The following CSMD1 variants were observed in gnomAD, a reference collection of about 807,000 sequenced individuals.
CSMD1 encodes the protein CUB and Sushi multiple domains 1, also known as CUB and sushi domain-containing protein 1.
Under a neutral mutation model 417.5 loss-of-function variants are expected in CSMD1, and 213 were observed. The ratio of observed to expected loss-of-function variants is 0.51; its 90% CI spans 0.46 to 0.57. CSMD1 has a LOEUF of 0.57. Ranked by LOEUF, CSMD1 falls within the 20% of genes least tolerant of loss-of-function variation. The pLI, the probability that CSMD1 is intolerant of heterozygous loss-of-function variation, is 0.00. For synonymous variants in CSMD1, 2,862 were observed against 1,736.8 expected, an observed-to-expected ratio of 1.65 and a Z score of -16.11; for missense variants, 6,923 against 4,529.7, an observed-to-expected ratio of 1.53 and a Z score of -15.17.
At chr8:4,710,464 T>TTATATATA (rs10660998) in intron 1 of CSMD1, among the ~76,000 whole-genome samples, 1,826 of 144,808 alleles carry the variant, frequency 0.013, 27 homozygotes, top group Middle Eastern at 0.036. Flanking sequence ...TAATGGAATA[T>TTATATATA]TATATATATA....
chr8:3,999,549 A>T lies in CSMD1; in HGVS notation c.611-1439T>A, dbSNP rs139447687. On this transcript the variant is annotated intron_variant, in intron 4 of 69. Coordinates refer to ENST00000635120, the MANE Select transcript of CSMD1 (RefSeq NM_033225.6). ...AGGGTGATATAGGTCCCTTCAAATTAGCTGCCTTCAGTTTACTCAGAAGAA... is the reference window on the plus strand; with the variant it reads ...AGGGTGATATAGGTCCCTTCAAATTTGCTGCCTTCAGTTTACTCAGAAGAA... Among the ~76,000 whole-genome samples the T allele has an allele frequency of 4.7e-3, 715 of 152,318 alleles. 6 individuals are homozygous for T. Among genetic ancestry groups the T allele is most frequent in the African/African-American group, 0.017 (698 of 41,558 alleles).
At chr8:4,155,171 C>G (rs891703819) in intron 3 of CSMD1, among the ~76,000 whole-genome samples, 1 of 152,160 alleles carries the variant, frequency 6.6e-6, no homozygotes, top group Non-Finnish European at 1.5e-5. Context: ...TGACTGTTTA[C>G]ATAATTTGCC....
chr8:3,832,241 C>G (rs1159040847), intron 5 of CSMD1, among the ~76,000 whole-genome samples: 2 of 152,152 alleles, frequency 1.3e-5, no homozygotes, highest in South Asian at 4.1e-4. Flanking sequence ...TACCTGAAGT[C>G]CTGCGCTTCC....
At chr8:3,737,429 T>G (rs981792777) in intron 6 of CSMD1, among the ~76,000 whole-genome samples, 1 of 152,242 alleles carries the variant, frequency 6.6e-6, no homozygotes, top group African/African-American at 2.4e-5. Context: ...TGCAAATTAT[T>G]TTAGAATTAA....
At chr8:4,863,298 A>C (rs187272562) in intron 1 of CSMD1, among the ~76,000 whole-genome samples, 1 of 152,060 alleles carries the variant, frequency 6.6e-6, no homozygotes, top group East Asian at 1.9e-4. Context: ...TGGTATATAA[A>C]AAGCTCTCAA....
chr8:4,069,907 GTTT>G (rs1345003449), intron 3 of CSMD1, among the ~76,000 whole-genome samples: 1 of 151,682 alleles, frequency 6.6e-6, no homozygotes, highest in Non-Finnish European at 1.5e-5. Flanking sequence ...TTTTGTTTTT[GTTT>G]TTTACCACTT....
chr8:4,295,677 A>G (rs1797636117), intron 3 of CSMD1, among the ~76,000 whole-genome samples: 1 of 143,314 alleles, frequency 7.0e-6, no homozygotes, highest in Admixed American at 7.1e-5. Context: ...TACATATGTT[A>G]TATTATACAT....
chr8:3,320,510 CAT>C (rs556569351), intron 23 of CSMD1, among the ~76,000 whole-genome samples: 5 of 152,180 alleles, frequency 3.3e-5, no homozygotes, highest in Non-Finnish European at 7.3e-5. Context: ...TGTTATGACT[CAT>C]AGGCTGATAC....
At chr8:3,970,395 G>C (rs1056548945) in intron 5 of CSMD1, among the ~76,000 whole-genome samples, 1 of 152,170 alleles carries the variant, frequency 6.6e-6, no homozygotes. Flanking sequence ...TCTGAAACGA[G>C]ATTGATTAGG....
intron 3 of CSMD1, among the ~76,000 whole-genome samples, chr8:4,282,701 A>G (rs1363579304): frequency 1.4e-4 from 21 of 152,214 alleles, no homozygotes; most frequent in Non-Finnish European, 1.5e-5. Flanking sequence ...CAGCATCCTA[A>G]CAACTCATTT....
At chr8:3,850,690 G>A (rs1002932550) in intron 5 of CSMD1, among the ~76,000 whole-genome samples, 11 of 151,928 alleles carry the variant, frequency 7.2e-5, no homozygotes, top group African/African-American at 2.7e-4. Flanking sequence ...GTGCGACTCT[G>A]TCTCAAAAAA....
intron 3 of CSMD1, among the ~76,000 whole-genome samples, chr8:4,138,816 G>A (rs1229580376): frequency 6.6e-6 from 1 of 151,702 alleles, no homozygotes. Flanking sequence ...GTATTTTTTT[G>A]CCCCTGAGGC....
chr8:3,704,371 G>A lies in CSMD1; in HGVS notation c.1009+4043C>T, dbSNP rs59820980. On this transcript the variant is annotated intron_variant, in intron 7 of 69. Transcript: ENST00000635120. Reference sequence around the variant, plus strand: ...GGCATATACCCAGTGGGCTCCATAGGAACTCACACAGGGAGGAGGGGGCCT... The same window carrying A: ...GGCATATACCCAGTGGGCTCCATAGAAACTCACACAGGGAGGAGGGGGCCT... Among the ~76,000 whole-genome samples the A allele has an allele frequency of 9.3e-4, 141 of 152,220 alleles. No homozygotes were observed. The East Asian group carries it at 9.3e-3, about 10-fold the overall frequency.
intron 25 of CSMD1, among the ~76,000 whole-genome samples, chr8:3,288,974 CA>C (rs1469964480): frequency 6.9e-6 from 1 of 145,528 alleles, no homozygotes; most frequent in Non-Finnish European, 1.5e-5. Flanking sequence ...TATCCCTCCC[CA>C]CTCCCCCTAC....
intron 3 of CSMD1, among the ~76,000 whole-genome samples, chr8:4,225,426 C>T (rs770442020): frequency 4.0e-5 from 6 of 151,514 alleles, no homozygotes; most frequent in Non-Finnish European, 8.8e-5. Flanking sequence ...CATTTTCATA[C>T]ATTATTCTGA....
intron 10 of CSMD1, among the ~76,000 whole-genome samples, chr8:3,516,274 C>G (rs1264506798): frequency 2.0e-5 from 3 of 152,196 alleles, no homozygotes; most frequent in Admixed American, 6.5e-5. Context: ...AGGTATGGAG[C>G]TCCAGTAAAT....
chr8:3,179,605 C>G (rs576222433), intron 37 of CSMD1, among the ~76,000 whole-genome samples: 1 of 152,172 alleles, frequency 6.6e-6, no homozygotes, highest in African/African-American at 2.4e-5. Context: ...AATTATTTCA[C>G]TAGCCCCTCT....
chr8:3,523,152 C>T (rs529282669), intron 10 of CSMD1, among the ~76,000 whole-genome samples: 1 of 152,080 alleles, frequency 6.6e-6, no homozygotes, highest in African/African-American at 2.4e-5. Flanking sequence ...TCCTCCTTGG[C>T]ATTCCTCAAA....
intron 3 of CSMD1, among the ~76,000 whole-genome samples, chr8:4,360,500 G>C (rs904572335): frequency 6.6e-6 from 1 of 152,038 alleles, no homozygotes; most frequent in African/African-American, 2.4e-5. Flanking sequence ...GTTCCTCCCA[G>C]GTTCTTTGAG....
Sources: gnomAD v4.1 joint callset for allele counts (sites outside exome capture counted in the v4.1 genomes callset) on GRCh38, gnomAD v4.1.1 for gene constraint, MANE v1.5 for transcripts, NCBI Gene and HGNC (gene_info 2026-07-23, HGNC 2026-07-21) for gene names.